ADK: variants seen among roughly 807,000 people sequenced by gnomAD.
ADK encodes the protein adenosine kinase.
In ADK, 24 loss-of-function variants were observed where a neutral mutation model predicts 44.7. The observed-to-expected ratio is 0.54, with a 90% CI of 0.39 to 0.76. ADK has a LOEUF of 0.76. Ranked by LOEUF, ADK falls within the 30% of genes least tolerant of loss-of-function variation. The pLI, the probability that ADK is intolerant of heterozygous loss-of-function variation, is 0.00. For synonymous variants in ADK, 128 were observed against 142.6 expected (o/e 0.90, Z 0.73); for missense variants, 321 against 425.1 (o/e 0.76, Z 2.15).
intron 1 of ADK, among the ~76,000 whole-genome samples, chr10:74,161,712 G>GT (rs956958258): frequency 3.6e-4 from 53 of 146,090 alleles, no homozygotes; most frequent in South Asian, 2.0e-3. Context: ...TTTTTTTTTT[G>GT]TTTTTTTTGA....
chr10:74,667,415 G>A (rs1446149988), intron 9 of ADK, among the ~76,000 whole-genome samples: 1 of 151,296 alleles, frequency 6.6e-6, no homozygotes, highest in Non-Finnish European at 1.5e-5. Flanking sequence ...GAAAACTAAG[G>A]ATAAAGTATC....
intron 4 of ADK, among the ~76,000 whole-genome samples, chr10:74,338,125 A>G (rs749942943): frequency 6.6e-6 from 1 of 151,700 alleles, no homozygotes; most frequent in African/African-American, 2.4e-5. Context: ...AACAACAACA[A>G]CAACAACAAC....
intron 2 of ADK, among the ~76,000 whole-genome samples, chr10:74,214,418 C>T (rs1218650946): frequency 6.6e-6 from 1 of 152,156 alleles, no homozygotes; most frequent in Non-Finnish European, 1.5e-5. Flanking sequence ...ATTCTTTGGA[C>T]TATGTGGCAA....
chr10:74,431,672 C>T (rs1229896055), intron 6 of ADK, among the ~76,000 whole-genome samples: 4 of 151,994 alleles, frequency 2.6e-5, no homozygotes, highest in East Asian at 1.9e-4. Context: ...ACCTGGGAGG[C>T]GGAGGTTGCA....
chr10:74,609,089 C>G (rs566722588), intron 9 of ADK, among the ~76,000 whole-genome samples: 4 of 152,340 alleles, frequency 2.6e-5, no homozygotes, highest in African/African-American at 9.6e-5. Flanking sequence ...CCCCTTCCCC[C>G]ACCAAGCTTG....
chr10:74,200,398 C>G (rs1843332695), intron 1 of ADK, among the ~76,000 whole-genome samples: 1 of 150,754 alleles, frequency 6.6e-6, no homozygotes, highest in Non-Finnish European at 1.5e-5. Context: ...GCAGGAGAAT[C>G]ACTTGAACCT....
chr10:74,343,760 C>T (rs907990574), intron 4 of ADK, among the ~76,000 whole-genome samples: 2 of 152,166 alleles, frequency 1.3e-5, no homozygotes, highest in African/African-American at 4.8e-5. Flanking sequence ...AGGTGCCCAG[C>T]ACCACGCCTA....
chr10:74,280,685 T>TA (rs1256336381), intron 3 of ADK, among the ~76,000 whole-genome samples: 1 of 152,232 alleles, frequency 6.6e-6, no homozygotes, highest in Non-Finnish European at 1.5e-5. Flanking sequence ...CTGCTGTTTA[T>TA]AATTCAGCTT....
At chr10:74,391,945 T>C (rs1388335357) in intron 4 of ADK, among the ~76,000 whole-genome samples, 1 of 152,216 alleles carries the variant, frequency 6.6e-6, no homozygotes, top group Non-Finnish European at 1.5e-5. Context: ...AATGGAATCA[T>C]ACAATATGTG....
At chr10:74,211,183 T>A (rs1843798270) in intron 2 of ADK, among the ~76,000 whole-genome samples, 1 of 152,132 alleles carries the variant, frequency 6.6e-6, no homozygotes, top group African/African-American at 2.4e-5. Context: ...CCGTGCCCGG[T>A]CTTTTAATTA....
intron 10 of ADK, among the ~76,000 whole-genome samples, chr10:74,691,279 A>G (rs899340377): frequency 6.6e-6 from 1 of 152,236 alleles, no homozygotes; most frequent in Non-Finnish European, 1.5e-5. Flanking sequence ...GTGCAGGGAG[A>G]CAGGGAGAAT....
chr10:74,676,009 T>G lies in ADK; in HGVS notation c.964+5740T>G, dbSNP rs578246692. ...TATATACAACTCTCAGATAAAAGACTAGAGACTTCACCCAAGAACCAACAT... is the reference window on the plus strand; with the variant it reads ...TATATACAACTCTCAGATAAAAGACGAGAGACTTCACCCAAGAACCAACAT... On this transcript the variant is annotated intron_variant, in intron 10 of 10. Transcript: ENST00000539909. Among the ~76,000 whole-genome samples the G allele has an allele frequency of 8.2e-5, 12 of 146,452 alleles. No homozygotes were observed. The South Asian group carries it at 2.6e-3, about 31-fold the overall frequency.
intron 6 of ADK, among the ~76,000 whole-genome samples, chr10:74,487,789 A>T (rs1379180648): frequency 6.6e-6 from 1 of 152,034 alleles, no homozygotes; most frequent in Non-Finnish European, 1.5e-5. Context: ...TTAAATAATG[A>T]AAATAAGGGA....
At chr10:74,188,332 A>G (rs904702488) in intron 1 of ADK, among the ~76,000 whole-genome samples, 2 of 125,326 alleles carry the variant, frequency 1.6e-5, no homozygotes, top group African/African-American at 8.3e-5. Context: ...TATTTTGGAC[A>G]TGTATTTTTA....
chr10:74,623,780 G>T (rs1853085426), intron 9 of ADK, among the ~76,000 whole-genome samples: 1 of 150,780 alleles, frequency 6.6e-6, no homozygotes, highest in Non-Finnish European at 1.5e-5. Context: ...TATTCATTTT[G>T]GTTTATAACT....
intron 7 of ADK, among the ~76,000 whole-genome samples, chr10:74,533,049 C>T (rs900908968): frequency 1.3e-5 from 2 of 150,696 alleles, no homozygotes; most frequent in Non-Finnish European, 3.0e-5. Flanking sequence ...TTTAAAAATA[C>T]GATTTCCAAT....
At chr10:74,293,165 CAAAAA>C (rs59635944) in intron 3 of ADK, among the ~76,000 whole-genome samples, 823 of 79,030 alleles carry the variant, frequency 0.01, 4 homozygotes, top group Middle Eastern at 0.016. Flanking sequence ...AACCCTGTCT[CAAAAA>C]AAAAAAAAAA....
intron 7 of ADK, among the ~76,000 whole-genome samples, chr10:74,568,848 C>T (rs965033183): frequency 6.6e-6 from 1 of 151,838 alleles, no homozygotes; most frequent in African/African-American, 2.4e-5. Context: ...CATATGTATA[C>T]GTGTGCCATG....
intron 6 of ADK, chr10:74,506,447 G>A (rs1848078212): frequency 6.0e-6 from 1 of 165,770 alleles, no homozygotes; most frequent in Non-Finnish European, 1.3e-5. Flanking sequence ...AAGATTTACA[G>A]TATTGCACTA....
Sources: allele counts gnomAD v4.1 joint callset (sites outside exome capture counted in the v4.1 genomes callset), GRCh38; gene constraint gnomAD v4.1.1; transcripts MANE v1.5; gene names NCBI Gene and HGNC (gene_info 2026-07-23, HGNC 2026-07-21).